The following ASRGL1 variants were observed in gnomAD, a reference collection of about 807,000 sequenced individuals.
ASRGL1 encodes the protein asparaginase and isoaspartyl peptidase 1, also known as isoaspartyl peptidase/L-asparaginase.
ASRGL1 carries 16 observed loss-of-function variants against 22.4 expected under a neutral mutation model. The ratio of observed to expected loss-of-function variants is 0.71; its 90% CI spans 0.48 to 1.08. The LOEUF (loss-of-function observed/expected upper bound fraction) is 1.08. Ranked by LOEUF, ASRGL1 falls within the 50% of genes least tolerant of loss-of-function variation. The pLI is 0.00. For missense variants in ASRGL1, 412 were observed against 410.1 expected, an observed-to-expected ratio of 1.00 and a Z score of -0.04; for synonymous variants, 165 against 159.3, an observed-to-expected ratio of 1.04 and a Z score of -0.27.
At chr11:62,355,392 A>AT (rs1162449669) in intron 2 of ASRGL1, among the ~76,000 whole-genome samples, 1 of 151,104 alleles carries the variant, frequency 6.6e-6, no homozygotes, top group Admixed American at 6.6e-5. Flanking sequence ...TGCCTGGCTA[A>AT]TTTTTTGGAT....
chr11:62,386,195 T>A (rs1313065040), intron 4 of ASRGL1, among the ~76,000 whole-genome samples: 1 of 152,066 alleles, frequency 6.6e-6, no homozygotes, highest in Non-Finnish European at 1.5e-5. Context: ...AAAAAGATTT[T>A]AAATTTTTTC....
rs1947209028 is a variant in ASRGL1 at position 62,386,461 on chromosome 11, A to ATACATTTCATAGATATG, written c.492-2667_492-2666insTTCATAGATATGTACAT. Among the ~76,000 whole-genome samples the ATACATTTCATAGATATG allele has an allele frequency of 1.3e-5, 2 of 152,182 alleles. 1 individual carries two copies. The highest frequency in any genetic ancestry group is 4.1e-4 in the South Asian group (2 of 4,834). Reference sequence around the variant, plus strand: ...ACTTTATCATAGATATGTACATATCATACATATCATAGATATGTACATATA... The same window carrying ATACATTTCATAGATATG: ...ACTTTATCATAGATATGTACATATCATACATTTCATAGATATGTACATATCATAGATATGTACATATA... On this transcript the variant is annotated intron_variant, in intron 4 of 6. Coordinates refer to ENST00000415229, the MANE Select transcript of ASRGL1 (RefSeq NM_001083926.2).
At chr11:62,396,024 TC>T (rs766725313), downstream of ASRGL1, among the ~76,000 whole-genome samples, 1 of 151,974 alleles carries the variant, frequency 6.6e-6, no homozygotes, top group South Asian at 2.1e-4. Flanking sequence ...TCCACCCACC[TC>T]GGCCCCCCAA....
intron 2 of ASRGL1, among the ~76,000 whole-genome samples, chr11:62,343,621 G>A (rs1945927017): frequency 1.3e-5 from 2 of 151,212 alleles, no homozygotes; most frequent in Admixed American, 1.3e-4. Context: ...CCAGCCACTC[G>A]GGATGCTGAG....
At chr11:62,347,430 C>T (rs1763560757) in intron 2 of ASRGL1, among the ~76,000 whole-genome samples, 1 of 152,132 alleles carries the variant, frequency 6.6e-6, no homozygotes, top group African/African-American at 2.4e-5. Flanking sequence ...GATTGGTTCC[C>T]TGGCAACCAG....
chr11:62,372,990 C>T (rs1946814606), intron 4 of ASRGL1: 3 of 1,415,240 alleles, frequency 2.1e-6, no homozygotes, highest in East Asian at 2.3e-5. Flanking sequence ...CTTTGGGGAA[C>T]TGGGCTACAG....
chr11:62,398,683 G>A, the ASRGL1 span, among the ~76,000 whole-genome samples: 2 of 152,204 alleles, frequency 1.3e-5, no homozygotes, highest in African/African-American at 2.4e-5. Flanking sequence ...GCTAGCGGCG[G>A]CGGCTCATTG....
At chr11:62,397,735 G>A (rs1424141776), downstream of ASRGL1, among the ~76,000 whole-genome samples, 9 of 150,966 alleles carry the variant, frequency 6.0e-5, no homozygotes, top group South Asian at 4.2e-4. Flanking sequence ...AAATCTTACT[G>A]TATATTCTTG....
At chr11:62,362,291 G>A (rs931925271) in intron 4 of ASRGL1, among the ~76,000 whole-genome samples, 8 of 150,764 alleles carry the variant, frequency 5.3e-5, no homozygotes, top group Admixed American at 4.7e-4. Context: ...ACGAAATGCT[G>A]TTGAAGTAAT....
chr11:62,400,456 C>T, the ASRGL1 span, among the ~76,000 whole-genome samples: 7 of 152,154 alleles, frequency 4.6e-5, no homozygotes. Flanking sequence ...TGAAATGCAC[C>T]TCTGTTCCAT....
chr11:62,362,075 C>T (rs2134624992), intron 4 of ASRGL1, among the ~76,000 whole-genome samples: 1 of 152,172 alleles, frequency 6.6e-6, no homozygotes, highest in Admixed American at 6.6e-5. Context: ...GGCTAAGAAT[C>T]CAGAAGCATA....
rs547493771 is a variant in ASRGL1 at position 62,357,035 on chromosome 11, G to C, written c.382G>C (p.Ala128Pro). ...TDQGAAQFAA[A>P]MGVPEIPGEK... ...CCAAGGCGCAGCGCAGTTTGCAGCAGCTATGGGGGTTCCAGAGATTCCTGG... is the reference window on the plus strand; with the variant it reads ...CCAAGGCGCAGCGCAGTTTGCAGCACCTATGGGGGTTCCAGAGATTCCTGG... Residue 128 changes from alanine (A) to proline (P), a missense_variant, in exon 4 of 7, where the codon GCT (alanine) becomes CCT (proline). Transcript: ENST00000415229. 1.2e-6 allele frequency: 2 copies of C among 1,614,138 alleles called. No homozygotes were observed. Among genetic ancestry groups the C allele is most frequent in the South Asian group, 2.2e-5 (2 of 91,084 alleles).
At position 62,363,636 on chromosome 11, in the gene ASRGL1, TTATA is replaced by T. The variant is rs1401716252; in HGVS notation, c.491+6497_491+6500del. Among the ~76,000 whole-genome samples, 6 of 152,338 alleles carry T rather than the reference TTATA, an allele frequency of 3.9e-5. No homozygotes were observed. The East Asian group carries it at 1.2e-3, about 29-fold the overall frequency. ...TTTTAATGCACTCTGCAATCACAATTTATATATAAATCCATATAGTATTTGAGTG... is the reference window on the plus strand; with the variant it reads ...TTTTAATGCACTCTGCAATCACAATTTATAAATCCATATAGTATTTGAGTG... On this transcript the variant is annotated intron_variant, in intron 4 of 6. Transcript: ENST00000415229.
At chr11:62,371,342 C>T (rs1946758303) in intron 4 of ASRGL1, 6 of 1,102,690 alleles carry the variant, frequency 5.4e-6, no homozygotes, top group South Asian at 3.3e-5. Context: ...GGCAAGCGCG[C>T]GGCGCAGCCT....
Position 62,341,832 on chromosome 11 carries a change from C to T in ASRGL1, c.190+3665C>T, listed in dbSNP as rs187584302. 1.2e-4 allele frequency among the ~76,000 whole-genome samples: 18 copies of T among 152,326 alleles called. No homozygotes were observed. The East Asian group carries it at 3.1e-3, about 26-fold the overall frequency. On this transcript the variant is annotated intron_variant, in intron 2 of 6. Coordinates refer to ENST00000415229, the MANE Select transcript of ASRGL1 (RefSeq NM_001083926.2). ...ACTCTCCCACATCCCTTTGAGTCCA[C>T]GCCTCCATTCACTCCCAGCCCCTGG...
chr11:62,391,741 A>G, intron 6 of ASRGL1, 109 bp downstream of exon 6: 1 of 1,387,696 alleles, frequency 7.2e-7, no homozygotes, highest in South Asian at 1.4e-5. Context: ...TGTTGGCTAC[A>G]GATGTTGCTT....
intron 4 of ASRGL1, among the ~76,000 whole-genome samples, chr11:62,362,578 A>T (rs1270840065): frequency 1.7e-5 from 1 of 59,986 alleles, no homozygotes; most frequent in South Asian, 4.2e-4. Flanking sequence ...AATATATATT[A>T]TATAAAATAT....
In ASRGL1 at chr11:62,391,867, A is replaced by C. The variant is rs923919432; in HGVS notation, c.722-212A>C. 4 of 738,396 alleles carry C rather than the reference A, an allele frequency of 5.4e-6. No individual in the cohort carries two copies. In the African/African-American group the frequency reaches 7.1e-5, roughly 13 times the overall value. The allele number at this position is 738,396 out of a possible 1,614,324, so 45.7% of individuals were successfully genotyped here. ...AGAAGGGGGCAGTAGAGAGACATTG[A>C]GCCTGGATGTGGGAGGGAAGACCCC... On this transcript the variant is annotated intron_variant, in intron 6 of 6. Transcript: ENST00000415229.
In ASRGL1 at chr11:62,337,990, G is replaced by A. The variant is rs1186341508; in HGVS notation, c.13G>A (p.Val5Ile). 2.2e-5 allele frequency: 36 copies of A among 1,600,148 alleles called. No individual in the cohort carries two copies. Among genetic ancestry groups the A allele is most frequent in the Non-Finnish European group, 3.0e-5 (35 of 1,173,814 alleles). The change falls in exon 2 of 7, where the codon GTA (valine) becomes ATA (isoleucine). Residue 5 changes from valine (V) to isoleucine (I), a missense_variant. Coordinates refer to ENST00000415229, the MANE Select transcript of ASRGL1 (RefSeq NM_001083926.2). Reference sequence around the variant, plus strand: ...AGGATCCGCCGACATGAATCCCATCGTAGTGGTCCACGGCGGCGGAGCCGG... The same window carrying A: ...AGGATCCGCCGACATGAATCCCATCATAGTGGTCCACGGCGGCGGAGCCGG... MNPI[V>I]VVHGGGAGPI... is the part of the protein sequence containing the mutation.
Sources: gnomAD v4.1 joint callset for allele counts (sites outside exome capture counted in the v4.1 genomes callset) on GRCh38, gnomAD v4.1.1 for gene constraint, MANE v1.5 for transcripts, NCBI Gene and HGNC (gene_info 2026-07-23, HGNC 2026-07-21) for gene names.